GOLM2: variants seen among roughly 807,000 people sequenced by gnomAD.
GOLM2 encodes the protein protein GOLM2.
A neutral mutation model predicts 55.9 loss-of-function variants in GOLM2; 26 were observed. The ratio of observed to expected loss-of-function variants is 0.47; its 90% confidence interval spans 0.34 to 0.65. The LOEUF (loss-of-function observed/expected upper bound fraction) is 0.65. GOLM2 is among the 30% of genes least tolerant of loss of function. The pLI is 0.01. For synonymous variants in GOLM2, 165 were observed against 194.6 expected (o/e 0.85, Z 1.27); for missense variants, 486 against 531.8 (o/e 0.91, Z 0.85).
At chr15:44,333,803 G>A (rs1387053470) in intron 4 of GOLM2, among the ~76,000 whole-genome samples, 1 of 151,534 alleles carries the variant, frequency 6.6e-6, no homozygotes, top group East Asian at 1.9e-4. Context: ...TGCAAGTTCC[G>A]CCTCCCAGGT....
At chr15:44,403,830 G>T (rs1326663546) in intron 9 of GOLM2, among the ~76,000 whole-genome samples, 3 of 152,154 alleles carry the variant, frequency 2.0e-5, no homozygotes, top group African/African-American at 7.2e-5. Context: ...TTTCACCACT[G>T]ACATAGCAGA....
chr15:44,332,831 G>A (rs920316349), intron 4 of GOLM2, among the ~76,000 whole-genome samples: 2 of 151,904 alleles, frequency 1.3e-5, no homozygotes, highest in Admixed American at 6.6e-5. Context: ...TTTTGGGGGG[G>A]GCAAATTCTT....
chr15:44,327,281 A>G (rs1368734181), intron 2 of GOLM2, among the ~76,000 whole-genome samples: 1 of 148,138 alleles, frequency 6.8e-6, no homozygotes, highest in Non-Finnish European at 1.5e-5. Context: ...ACAGCCAGGC[A>G]TGGTGGCTCA....
intron 6 of GOLM2, among the ~76,000 whole-genome samples, chr15:44,353,121 A>G (rs2141162585): frequency 6.6e-6 from 1 of 152,364 alleles, no homozygotes; most frequent in African/African-American, 2.4e-5. Flanking sequence ...ATGGCAAAGC[A>G]GATATATGAA....
chr15:44,362,041 T>A (rs1361434144), intron 6 of GOLM2, among the ~76,000 whole-genome samples: 6 of 152,044 alleles, frequency 3.9e-5, no homozygotes, highest in Non-Finnish European at 8.8e-5. Flanking sequence ...ATGGAACATA[T>A]CTCAAAATAA....
chr15:44,365,227 A>T (rs971485198), intron 6 of GOLM2, among the ~76,000 whole-genome samples: 4 of 152,188 alleles, frequency 2.6e-5, no homozygotes. Flanking sequence ...ATATTAAGAC[A>T]TGAAAAGACT....
chr15:44,338,195 T>C, intron 5 of GOLM2, 42 bp from the exon 6 acceptor site: 1 of 1,559,674 alleles, frequency 6.4e-7, no homozygotes. Flanking sequence ...TCAAATTATG[T>C]AAGAAAAACG....
At chr15:44,412,157 A>G (rs150209605) in intron 9 of GOLM2, among the ~76,000 whole-genome samples, 23 of 152,102 alleles carry the variant, frequency 1.5e-4, no homozygotes, top group African/African-American at 3.1e-4. Context: ...ACAGAGCAAG[A>G]TTCTGTCTCA....
In GOLM2 at chr15:44,289,188, C is replaced by G; in HGVS notation, c.159C>G (p.Val53=). 3 of 1,614,200 alleles carry G rather than the reference C, an allele frequency of 1.9e-6. No homozygotes were observed. The highest frequency in any genetic ancestry group is 1.7e-6 in the Non-Finnish European group (2 of 1,180,026). Residue 53 remains valine (V), a synonymous_variant, in exon 1 of 10, where the codon GTC becomes GTG. Transcript: ENST00000299957. The surrounding 1 kb of genome is among the most constrained non-coding windows in gnomAD (Gnocchi z 4.8). Reference sequence around the variant, plus strand: ...AGGTGGCCGAGCTGCAGGGCCAGGTCCAGCGCACCGAAGTGGCCCGCGGGC... The same window carrying G: ...AGGTGGCCGAGCTGCAGGGCCAGGTGCAGCGCACCGAAGTGGCCCGCGGGC... ...QEEVAELQGQ[V]QRTEVARGRL...
chr15:44,299,792 G>A (rs886383857), intron 1 of GOLM2, among the ~76,000 whole-genome samples: 1 of 151,872 alleles, frequency 6.6e-6, no homozygotes, highest in African/African-American at 2.4e-5. Flanking sequence ...TTTCATGGGT[G>A]CATTGGTATA....
intron 1 of GOLM2, among the ~76,000 whole-genome samples, chr15:44,300,216 AAGAGGG>A (rs1372688070): frequency 1.3e-5 from 2 of 150,482 alleles, no homozygotes; most frequent in East Asian, 2.0e-4. Flanking sequence ...AAGAGGAAGA[AAGAGGG>A]AGAGGGAGAG....
intron 8 of GOLM2, among the ~76,000 whole-genome samples, chr15:44,402,017 A>G (rs1042520680): frequency 6.6e-6 from 1 of 151,834 alleles, no homozygotes; most frequent in African/African-American, 2.4e-5. Flanking sequence ...TTTAATAGAG[A>G]TGGGGTTTCA....
chr15:44,337,275 G>C (rs1175349306), intron 4 of GOLM2, among the ~76,000 whole-genome samples: 2 of 152,040 alleles, frequency 1.3e-5, no homozygotes, highest in East Asian at 3.9e-4. Flanking sequence ...ACTACTTGCT[G>C]TGTTTCGGTG....
intron 8 of GOLM2, among the ~76,000 whole-genome samples, chr15:44,387,802 G>C (rs941015066): frequency 6.6e-6 from 1 of 151,292 alleles, no homozygotes; most frequent in Non-Finnish European, 1.5e-5. Flanking sequence ...TTTTGTGTGT[G>C]TTGATCTTGT....
intron 1 of GOLM2, among the ~76,000 whole-genome samples, chr15:44,316,653 G>A (rs761250842): frequency 6.6e-4 from 101 of 152,058 alleles, no homozygotes; most frequent in Non-Finnish European, 9.4e-4. Context: ...TGCCCAGGAG[G>A]CTGAGGCAGG....
chr15:44,414,420 A>C lies in GOLM2; in HGVS notation c.*1014A>C, dbSNP rs139144736. 1 of 152,366 alleles carries C rather than the reference A, an allele frequency of 6.6e-6. No homozygotes were observed. The highest frequency in any genetic ancestry group is 2.4e-5 in the African/African-American group (1 of 41,594). 9.4% of individuals were successfully genotyped at this position (152,366 alleles called of 1,614,324 possible). On this transcript the variant is annotated 3_prime_UTR_variant, in exon 10 of 10. Transcript: ENST00000299957. ...CTTAGTTCTTGAAATTGTGGAATGC[A>C]TGATTGACAATATATTTTTAATTTT...
At chr15:44,364,048 T>TG (rs2079264463) in intron 6 of GOLM2, among the ~76,000 whole-genome samples, 1 of 136,420 alleles carries the variant, frequency 7.3e-6, no homozygotes, top group Non-Finnish European at 1.6e-5. Flanking sequence ...TGTTGTGGGG[T>TG]GGGGGGAGCG....
Position 44,289,432 on chromosome 15 carries a change from T to TA in GOLM2, c.327+77dup, listed in dbSNP as rs1291044767. 28 of 1,333,424 alleles carry TA rather than the reference T, an allele frequency of 2.1e-5. No homozygotes were observed. The highest frequency in any genetic ancestry group is 2.5e-5 in the Non-Finnish European group (24 of 974,968). The allele number at this position is 1,333,424 out of a possible 1,614,324, so 82.6% of individuals were successfully genotyped here. A position where few individuals can be genotyped will look rare whatever the true frequency, so the allele number is the denominator to read the frequency against. ...GGTCTGGGGCGGGATGTTAATCCGC[T>TA]AGCTGTTGTCTTATGCCTTCCAGTA... On this transcript the variant is annotated intron_variant, in intron 1 of 9. Coordinates refer to ENST00000299957, the MANE Select transcript of GOLM2 (RefSeq NM_138423.4). The surrounding 1 kb of genome is among the most constrained non-coding windows in gnomAD (Gnocchi z 4.8).
intron 1 of GOLM2, among the ~76,000 whole-genome samples, chr15:44,318,982 A>G (rs1248215073): frequency 6.6e-6 from 1 of 151,816 alleles, no homozygotes; most frequent in Non-Finnish European, 1.5e-5. Context: ...TCTTCTCCCT[A>G]CTTATACCTG....
Sources: allele counts gnomAD v4.1 joint callset (sites outside exome capture counted in the v4.1 genomes callset), GRCh38; gene constraint gnomAD v4.1.1; non-coding constraint Gnocchi (gnomAD v3.1); transcripts MANE v1.5; gene names NCBI Gene and HGNC (gene_info 2026-07-23, HGNC 2026-07-21).